QKI: variants seen among roughly 807,000 people sequenced by gnomAD.
QKI encodes the protein KH domain-containing RNA-binding protein QKI.
QKI carries 10 observed loss-of-function variants against 39.0 expected under a neutral mutation model. The ratio of observed to expected loss-of-function variants is 0.26; its 90% CI spans 0.16 to 0.43. The LOEUF (loss-of-function observed/expected upper bound fraction) is 0.43, where lower values mean the gene tolerates loss of function less well. QKI is among the 20% of genes least tolerant of loss of function. The pLI is 1.00. For synonymous variants in QKI, 204 were observed against 155.4 expected, an observed-to-expected ratio of 1.31 and a Z score of -2.33; for missense variants, 218 against 428.0, an observed-to-expected ratio of 0.51 and a Z score of 4.33.
At chr6:163,530,301 A>C (rs562313249) in intron 3 of QKI, among the ~76,000 whole-genome samples, 5 of 152,070 alleles carry the variant, frequency 3.3e-5, no homozygotes, top group Non-Finnish European at 7.4e-5. Context: ...GCTTATTTCA[A>C]CCTTTTCTTT....
chr6:163,570,393 C>T, intron 7 of QKI: 1 of 979,212 alleles, frequency 1.0e-6, no homozygotes, highest in Non-Finnish European at 1.2e-6. Flanking sequence ...TTGACTGCTA[C>T]TAACTATTAG....
rs1236865724 is a variant in QKI, at chr6:163,571,896, G to A, written c.*1186G>A. ...TTTTCCTTCATGGTCATTCAGTCAA[G>A]TGTCTCATAAAGATCAGCTCCTCCC... is the stretch of plus-strand genomic sequence containing the variant. On this transcript the variant is annotated 3_prime_UTR_variant, in exon 8 of 8. Transcript: ENST00000361752. 3 of 152,076 alleles carry A rather than the reference G, an allele frequency of 2.0e-5. No homozygotes were observed. The highest frequency in any genetic ancestry group is 7.2e-5 in the African/African-American group (3 of 41,400). 9.4% of individuals were successfully genotyped at this position (152,076 alleles called of 1,614,324 possible).
intron 1 of QKI, among the ~76,000 whole-genome samples, chr6:163,448,419 A>G (rs1361501857): frequency 6.6e-6 from 1 of 150,632 alleles, no homozygotes; most frequent in Non-Finnish European, 1.5e-5. Flanking sequence ...GTAAGCAAAC[A>G]TATTTCACTT....
intron 3 of QKI, among the ~76,000 whole-genome samples, chr6:163,506,192 C>T (rs913935613): frequency 3.9e-5 from 6 of 151,914 alleles, no homozygotes; most frequent in Non-Finnish European, 8.8e-5. Flanking sequence ...TATAAATTAC[C>T]CAGTCTCAGG....
At chr6:163,536,344 C>T (rs1781207601) in intron 4 of QKI, among the ~76,000 whole-genome samples, 1 of 152,026 alleles carries the variant, frequency 6.6e-6, no homozygotes, top group Admixed American at 6.6e-5. Flanking sequence ...TATTTAACAT[C>T]GACTTTTACT....
intron 2 of QKI, among the ~76,000 whole-genome samples, chr6:163,471,783 C>T (rs567366491): frequency 6.6e-6 from 1 of 151,996 alleles, no homozygotes; most frequent in Admixed American, 6.6e-5. Context: ...ATTTAGTAAA[C>T]CATGTAGTAT....
chr6:163,478,863 C>A lies in QKI; in HGVS notation c.369C>A (p.Val123=). 1 of 1,612,442 alleles carries A rather than the reference C, an allele frequency of 6.2e-7. No individual in the cohort carries two copies. The highest frequency in any genetic ancestry group is 8.5e-7 in the Non-Finnish European group (1 of 1,179,372). The change falls in exon 3 of 8, where the codon GTC becomes GTA. Residue 123 remains valine (V), a synonymous_variant. Transcript: ENST00000361752. ...LEAETGCKIM[V]RGKGSMRDKK... is the part of the protein sequence containing the mutation. ...CAGAAACCGGATGTAAAATCATGGT[C>A]CGAGGCAAAGGCTCAATGAGGGATA...
intron 1 of QKI, among the ~76,000 whole-genome samples, chr6:163,444,167 A>G (rs1190078812): frequency 6.6e-6 from 1 of 152,218 alleles, no homozygotes; most frequent in Non-Finnish European, 1.5e-5. Flanking sequence ...CCAGTCATTG[A>G]GTATATACAG....
At position 163,565,431 on chromosome 6, in the gene QKI, A is replaced by G. The variant is rs1452247732; in HGVS notation, c.935-1290A>G. On this transcript the variant is annotated intron_variant, in intron 6 of 7. Coordinates refer to ENST00000361752, the MANE Select transcript of QKI (RefSeq NM_006775.3). Reference sequence around the variant, plus strand: ...CCACGTGGAATTGTACTTGTATATGATTACCTTATCTAAAATGAATAAGAG... The same window carrying G: ...CCACGTGGAATTGTACTTGTATATGGTTACCTTATCTAAAATGAATAAGAG... 4.1e-6 allele frequency: 4 copies of G among 986,150 alleles called. No individual in the cohort carries two copies. The African/African-American group carries it at 5.2e-5, about 13-fold the overall frequency. The allele number at this position is 986,150 out of a possible 1,614,324, so 61.1% of individuals were successfully genotyped here.
intron 1 of QKI, among the ~76,000 whole-genome samples, chr6:163,443,437 G>A (rs571233479): frequency 2.0e-5 from 3 of 152,282 alleles, no homozygotes; most frequent in Admixed American, 2.0e-4. Context: ...GTGTGGTGGC[G>A]GGTGCCTGTA....
intron 3 of QKI, among the ~76,000 whole-genome samples, chr6:163,532,322 A>G (rs1780916138): frequency 6.6e-6 from 1 of 152,204 alleles, no homozygotes; most frequent in African/African-American, 2.4e-5. Context: ...TTATAATAAC[A>G]TCTGTATCAC....
chr6:163,560,141 G>A lies in QKI; in HGVS notation c.547-1841G>A, dbSNP rs192934234. Among the ~76,000 whole-genome samples, 55 of 152,272 alleles carry A rather than the reference G, an allele frequency of 3.6e-4. No individual in the cohort carries two copies. In the East Asian group the frequency reaches 6.2e-3, roughly 17 times the overall value. ...TCTAGTAAGTAACTTGGGGGTGGCC[G>A]TGGGAACATGGGGTTAGGCAGTGGT... On this transcript the variant is annotated intron_variant, in intron 4 of 7. Coordinates refer to ENST00000361752, the MANE Select transcript of QKI (RefSeq NM_006775.3).
rs1057433011 is a variant in QKI, at chr6:163,481,609, G to T, written c.402+2713G>T. Among the ~76,000 whole-genome samples, 16 of 152,200 alleles carry T rather than the reference G, an allele frequency of 1.1e-4. No homozygotes were observed. The East Asian group carries it at 1.5e-3, about 15-fold the overall frequency. ...TACTTCTAATGCTTTGGGGAAGTTA[G>T]TACTATATTATTCTAAGCTGCTGGT... On this transcript the variant is annotated intron_variant, in intron 3 of 7. Transcript: ENST00000361752.
intron 3 of QKI, among the ~76,000 whole-genome samples, chr6:163,491,848 C>G (rs1454324384): frequency 6.6e-6 from 1 of 152,104 alleles, no homozygotes; most frequent in Non-Finnish European, 1.5e-5. Context: ...AATACTTTAA[C>G]CTGTAAAACT....
intron 4 of QKI, among the ~76,000 whole-genome samples, chr6:163,542,835 C>T (rs547183742): frequency 4.0e-5 from 6 of 151,616 alleles, no homozygotes; most frequent in South Asian, 4.2e-4. Context: ...TAATACATGA[C>T]GACAAATTTC....
chr6:163,569,416 A>C (rs779007894), intron 7 of QKI: 1 of 1,267,478 alleles, frequency 7.9e-7, no homozygotes, highest in South Asian at 1.3e-5. Context: ...ATATCTTTTC[A>C]TTCACATCTC....
chr6:163,445,832 T>G (rs1216160030), intron 1 of QKI, among the ~76,000 whole-genome samples: 2 of 152,194 alleles, frequency 1.3e-5, no homozygotes, highest in Non-Finnish European at 2.9e-5. Flanking sequence ...GCCAGGATGG[T>G]CTCGATCTCC....
intron 1 of QKI, among the ~76,000 whole-genome samples, chr6:163,450,454 A>G (rs1285308675): frequency 6.6e-6 from 1 of 152,242 alleles, no homozygotes; most frequent in Non-Finnish European, 1.5e-5. Flanking sequence ...GGAAAAGCCA[A>G]AGACAAACAT....
At chr6:163,545,914 C>T (rs1241121521) in intron 4 of QKI, among the ~76,000 whole-genome samples, 1 of 150,946 alleles carries the variant, frequency 6.6e-6, no homozygotes, top group Non-Finnish European at 1.5e-5. Flanking sequence ...CTTTGTATTC[C>T]TTGCACCCCT....
Sources: allele counts gnomAD v4.1 joint callset (sites outside exome capture counted in the v4.1 genomes callset), GRCh38; gene constraint gnomAD v4.1.1; transcripts MANE v1.5; gene names NCBI Gene and HGNC (gene_info 2026-07-23, HGNC 2026-07-21).